Variants in SNX10 observed in about 807,000 individuals in gnomAD.
SNX10 encodes sorting nexin 10, also known as sorting nexin-10.
In SNX10, 25 loss-of-function variants were observed where a neutral mutation model predicts 28.5. The ratio of observed to expected loss-of-function variants is 0.88; its 90% CI spans 0.64 to 1.22. The LOEUF (loss-of-function observed/expected upper bound fraction) is 1.22, where lower values mean the gene tolerates loss of function less well. SNX10 is among the 50% of genes most tolerant of loss of function. The probability of loss-of-function intolerance (pLI) is 0.00; values close to 1 mark genes in which losing one functional copy is unlikely to be tolerated. For missense variants in SNX10, 223 were observed against 242.6 expected (o/e 0.92, Z 0.54); for synonymous variants, 62 against 81.4 (o/e 0.76, Z 1.28).
intron 1 of SNX10, among the ~76,000 whole-genome samples, chr7:26,329,877 C>T (rs6976271): frequency 6.6e-6 from 1 of 151,784 alleles, no homozygotes; most frequent in Non-Finnish European, 1.5e-5. Flanking sequence ...ACAAGTGGCT[C>T]GTGTGGCAGT....
chr7:26,307,279 C>T (rs555420555), intron 1 of SNX10, among the ~76,000 whole-genome samples: 9 of 152,184 alleles, frequency 5.9e-5, no homozygotes, highest in Non-Finnish European at 8.8e-5. Flanking sequence ...TGGATGTCCC[C>T]AACACCCTAA....
At chr7:26,351,595 G>A (rs558059661) in intron 2 of SNX10, among the ~76,000 whole-genome samples, 1 of 150,094 alleles carries the variant, frequency 6.7e-6, no homozygotes, top group South Asian at 2.1e-4. Flanking sequence ...TGGGATCCTG[G>A]AACAACAGAT....
intron 1 of SNX10, among the ~76,000 whole-genome samples, chr7:26,336,179 A>G (rs968673919): frequency 6.6e-6 from 1 of 152,224 alleles, no homozygotes; most frequent in African/African-American, 2.4e-5. Context: ...TAATAAAAGT[A>G]ACTGAGCACA....
chr7:26,346,552 G>A, intron 2 of SNX10, 86 bp downstream of exon 2: 1 of 1,050,392 alleles, frequency 9.5e-7, no homozygotes. Flanking sequence ...ATAAACCCAT[G>A]GGTTGCTTGA....
chr7:26,358,805 GTT>G (rs35527687), intron 2 of SNX10, among the ~76,000 whole-genome samples: 21 of 100,092 alleles, frequency 2.1e-4, no homozygotes, highest in African/African-American at 4.4e-4. Context: ...GTTATCTTGT[GTT>G]TTTTTTTTTT....
chr7:26,367,257 A>G (rs1452790948), intron 5 of SNX10, among the ~76,000 whole-genome samples: 2 of 152,180 alleles, frequency 1.3e-5, no homozygotes, highest in African/African-American at 4.8e-5. Context: ...TGCCACGGAC[A>G]TAGGACTGCA....
intron 1 of SNX10, among the ~76,000 whole-genome samples, chr7:26,346,083 C>G (rs878992708): frequency 2.0e-5 from 3 of 152,188 alleles, no homozygotes; most frequent in African/African-American, 7.2e-5. Context: ...AGCATCCCCC[C>G]GCACATGGCT....
intron 3 of SNX10, 129 bp downstream of exon 3, chr7:26,361,190 C>G (rs1789051998): frequency 6.5e-6 from 6 of 919,110 alleles, no homozygotes; most frequent in Non-Finnish European, 7.7e-6. Context: ...ACAACTAATG[C>G]TTTTATCTTA....
chr7:26,366,931 G>A (rs1267714092), intron 5 of SNX10, among the ~76,000 whole-genome samples: 1 of 152,192 alleles, frequency 6.6e-6, no homozygotes, highest in Non-Finnish European at 1.5e-5. Context: ...TGGTTTGACT[G>A]TTTGCTGGTT....
At chr7:26,294,761 G>A (rs1282888445) in intron 1 of SNX10, among the ~76,000 whole-genome samples, 1 of 152,198 alleles carries the variant, frequency 6.6e-6, no homozygotes, top group Non-Finnish European at 1.5e-5. Context: ...AGTGTCCTAA[G>A]TACGTTAACA....
intron 5 of SNX10, among the ~76,000 whole-genome samples, chr7:26,368,776 G>T: frequency 6.6e-6 from 1 of 152,240 alleles, no homozygotes; most frequent in African/African-American, 2.4e-5. Context: ...CTTCAATGAA[G>T]ATTTGTAGGT....
chr7:26,322,299 G>C (rs1787341809), intron 1 of SNX10, among the ~76,000 whole-genome samples: 1 of 152,114 alleles, frequency 6.6e-6, no homozygotes, highest in Non-Finnish European at 1.5e-5. Context: ...CTAACTTTTT[G>C]CTCTTTATAT....
At chr7:26,342,621 T>C (rs1244879758) in intron 1 of SNX10, among the ~76,000 whole-genome samples, 2 of 152,194 alleles carry the variant, frequency 1.3e-5, no homozygotes, top group Admixed American at 6.5e-5. Context: ...TTAAAAAGTT[T>C]AAAATTAATG....
chr7:26,353,566 C>T (rs1788699631), intron 2 of SNX10, among the ~76,000 whole-genome samples: 1 of 151,762 alleles, frequency 6.6e-6, no homozygotes, highest in Non-Finnish European at 1.5e-5. Context: ...ATTCTCCTGC[C>T]TCAGCCTCCC....
At chr7:26,297,988 T>G (rs912853475) in intron 1 of SNX10, among the ~76,000 whole-genome samples, 5 of 152,180 alleles carry the variant, frequency 3.3e-5, no homozygotes, top group African/African-American at 1.2e-4. Flanking sequence ...CCCAGCACTT[T>G]GGGAGGCCGA....
At chr7:26,336,064 A>G (rs1787932756) in intron 1 of SNX10, among the ~76,000 whole-genome samples, 2 of 152,296 alleles carry the variant, frequency 1.3e-5, no homozygotes, top group East Asian at 3.9e-4. Context: ...GTAAGGAGTC[A>G]GTGATTTTTT....
chr7:26,312,949 GA>G (rs2127998005), intron 1 of SNX10, among the ~76,000 whole-genome samples: 1 of 152,276 alleles, frequency 6.6e-6, no homozygotes, highest in African/African-American at 2.4e-5. Context: ...GAAGATACAG[GA>G]AAACAACCCA....
rs114657598 is a variant in SNX10 at position 26,313,867 on chromosome 7, C to T, written c.-24+21781C>T. ...TCGCCAGGCTGAAGTGCAGTGGAGG[C>T]GCGATCTCGGCTCACTGCAACCTCC... On this transcript the variant is annotated intron_variant, in intron 1 of 6. Transcript: ENST00000338523. Among the ~76,000 whole-genome samples, 607 of 152,112 alleles carry T rather than the reference C, an allele frequency of 4.0e-3. 5 individuals are homozygous for T. The highest frequency in any genetic ancestry group is 0.014 in the African/African-American group (573 of 41,442).
chr7:26,343,793 C>T (rs1415336284), intron 1 of SNX10, among the ~76,000 whole-genome samples: 1 of 152,176 alleles, frequency 6.6e-6, no homozygotes, highest in Non-Finnish European at 1.5e-5. Flanking sequence ...TGAGCCGCTC[C>T]TCCTCCTGGC....
Sources: gnomAD v4.1 joint callset for allele counts (sites outside exome capture counted in the v4.1 genomes callset) on GRCh38, gnomAD v4.1.1 for gene constraint, MANE v1.5 for transcripts, NCBI Gene and HGNC (gene_info 2026-07-23, HGNC 2026-07-21) for gene names.